IDI1: variants seen among roughly 807,000 people sequenced by gnomAD.
IDI1 encodes isopentenyl-diphosphate Delta-isomerase 1.
A neutral mutation model predicts 32.9 loss-of-function variants in IDI1; 23 were observed. The observed-to-expected ratio is 0.70, with a 90% CI of 0.50 to 0.99. The LOEUF (loss-of-function observed/expected upper bound fraction) is 0.99. Among genes scored for constraint, IDI1 ranks in the 50% least tolerant of loss-of-function variants. IDI1 has a pLI of 0.00. For synonymous variants in IDI1, 133 were observed against 128.2 expected (o/e 1.04, Z -0.25); for missense variants, 326 against 351.9 (o/e 0.93, Z 0.59).
chr10:1,039,476 GA>G lies in IDI1; in HGVS notation c.*1710del, dbSNP rs1024275895. 19 of 150,218 alleles carry G rather than the reference GA, an allele frequency of 1.3e-4. No homozygotes were observed. Among genetic ancestry groups the G allele is most frequent in the East Asian group, 1.9e-4 (1 of 5,164 alleles). The allele number at this position is 150,218 out of a possible 1,614,324, so 9.3% of individuals were successfully genotyped here. On this transcript the variant is annotated 3_prime_UTR_variant, in exon 5 of 5. Coordinates refer to ENST00000381344, the MANE Select transcript of IDI1 (RefSeq NM_004508.4). Reference sequence around the variant, plus strand: ...AGATTAAGAGTTTAAAACAGTTTAAGAAAAAAAAAATTTATAGGTACCATTT... The same window carrying G: ...AGATTAAGAGTTTAAAACAGTTTAAGAAAAAAAAATTTATAGGTACCATTT...
chr10:1,042,498 G>T, intron 4 of IDI1, 134 bp downstream of exon 4: 1 of 800,934 alleles, frequency 1.2e-6, no homozygotes, highest in East Asian at 2.7e-5. Context: ...TATTCAAGAT[G>T]GTTTGTGGGG....
chr10:1,040,935 C>T lies in IDI1; in HGVS notation c.*252G>A. 1 of 359,784 alleles carries T rather than the reference C, an allele frequency of 2.8e-6. No individual in the cohort carries two copies. The allele number at this position is 359,784 out of a possible 1,614,324, so 22.3% of individuals were successfully genotyped here. On this transcript the variant is annotated 3_prime_UTR_variant, in exon 5 of 5. Transcript: ENST00000381344. ...TTAAATTAAGTTTTATTTGCTCGCT[C>T]TCATTTTACAATAATCTCTCACAAA... is the stretch of plus-strand genomic sequence containing the variant.
upstream of IDI1, among the ~76,000 whole-genome samples, chr10:1,052,353 T>C (rs1001810412): frequency 1.3e-5 from 2 of 152,238 alleles, no homozygotes; most frequent in Non-Finnish European, 1.5e-5. Context: ...TGCTTATCCA[T>C]TCATGTTTTA....
upstream of IDI1, among the ~76,000 whole-genome samples, chr10:1,050,425 AATTTT>A (rs1372074084): frequency 6.6e-6 from 1 of 152,162 alleles, no homozygotes; most frequent in African/African-American, 2.4e-5. Flanking sequence ...TAGCAAAACC[AATTTT>A]ACCAGAGGCT....
At chr10:1,050,014 C>T (rs992175431), upstream of IDI1, among the ~76,000 whole-genome samples, 2 of 152,172 alleles carry the variant, frequency 1.3e-5, no homozygotes, top group Non-Finnish European at 2.9e-5. Context: ...GCTATTTCCT[C>T]TACCTTTTGT....
At chr10:1,044,727 C>A (rs1418593868) in intron 1 of IDI1, among the ~76,000 whole-genome samples, 1 of 152,192 alleles carries the variant, frequency 6.6e-6, no homozygotes, top group East Asian at 1.9e-4. Context: ...TTTTCTCAAC[C>A]CAAGCTCCTG....
intron 2 of IDI1, chr10:1,043,754 G>C: frequency 1.5e-6 from 1 of 667,860 alleles, no homozygotes; most frequent in Non-Finnish European, 2.8e-6. Flanking sequence ...GTCAGGGCTA[G>C]TCCCTCTTCT....
At chr10:1,055,353 G>C in the IDI1 span, among the ~76,000 whole-genome samples, 1 of 152,146 alleles carries the variant, frequency 6.6e-6, no homozygotes, top group East Asian at 1.9e-4. Flanking sequence ...CATGCTCTCA[G>C]TTATTTTCAG....
chr10:1,048,273 G>C lies in IDI1; in HGVS notation c.140+591C>G, dbSNP rs1032021631. ...TGCGTTTAAAGAATACCATGTAGTA[G>C]ACGCGGGAACACATCATCCAACCCA... is the stretch of plus-strand genomic sequence containing the variant. On this transcript the variant is annotated intron_variant, in intron 1 of 4. Transcript: ENST00000381344. 2.3e-6 allele frequency: 3 copies of C among 1,304,196 alleles called. No homozygotes were observed. In the African/African-American group the frequency reaches 4.6e-5, roughly 20 times the overall value. The allele number at this position is 1,304,196 out of a possible 1,614,324, so 80.8% of individuals were successfully genotyped here.
Position 1,048,903 on chromosome 10 carries a change from T to G in IDI1, c.101A>C (p.His34Pro), listed in dbSNP as rs752858240. 1 of 1,606,456 alleles carries G rather than the reference T, an allele frequency of 6.2e-7. No individual in the cohort carries two copies. The highest frequency in any genetic ancestry group is 1.1e-5 in the South Asian group (1 of 90,638). ...RAADCAQSGR[H>P]PGPAVVCGRR... ...GCCACAGACAACCGCCGGTCCCGGA[T>G]GGCGCCCGCTTTGAGCACAGTCTGC... The change falls in exon 1 of 5, where the codon CAT (histidine) becomes CCT (proline). Residue 34 changes from histidine (H) to proline (P), a missense_variant. Physicochemically the swap from His to Pro is moderately conservative, Grantham distance 77. Transcript: ENST00000381344.
Position 1,041,219 on chromosome 10 carries a change from A to T in IDI1, c.823T>A (p.Phe275Ile). ...WWDNLNHLNQFVDHEKIYRM is the reference protein window; with the variant it reads ...WWDNLNHLNQIVDHEKIYRM ...CTGTATATTTTCTCATGGTCAACAAACTGATTCAAATGATTTAAGTTATCC... is the reference window on the plus strand; with the variant it reads ...CTGTATATTTTCTCATGGTCAACAATCTGATTCAAATGATTTAAGTTATCC... Residue 275 changes from phenylalanine (F) to isoleucine (I), a missense_variant, in exon 5 of 5, where the codon TTT (phenylalanine) becomes ATT (isoleucine). Physicochemically the swap from Phe to Ile is conservative, Grantham distance 21. Coordinates refer to ENST00000381344, the MANE Select transcript of IDI1 (RefSeq NM_004508.4). 1 of 1,610,184 alleles carries T rather than the reference A, an allele frequency of 6.2e-7. No homozygotes were observed. The highest frequency in any genetic ancestry group is 8.5e-7 in the Non-Finnish European group (1 of 1,177,178).
In IDI1 at chr10:1,043,656, C is replaced by T. The variant is rs574270861; in HGVS notation, c.314-263G>A. The T allele has an allele frequency of 2.0e-5, 13 of 649,218 alleles. No homozygotes were observed. The East Asian group carries it at 2.5e-4, about 12-fold the overall frequency. The allele number at this position is 649,218 out of a possible 1,614,324, so 40.2% of individuals were successfully genotyped here. Reference sequence around the variant, plus strand: ...TTCCCTATCAAGGACATTCAGTTCTCGGAAAGTGGTGAAGGCACATGCTTC... The same window carrying T: ...TTCCCTATCAAGGACATTCAGTTCTTGGAAAGTGGTGAAGGCACATGCTTC... On this transcript the variant is annotated intron_variant, in intron 2 of 4. Coordinates refer to ENST00000381344, the MANE Select transcript of IDI1 (RefSeq NM_004508.4).
chr10:1,042,322 C>T (rs1489353423), intron 4 of IDI1, among the ~76,000 whole-genome samples: 4 of 152,036 alleles, frequency 2.6e-5, no homozygotes, highest in African/African-American at 9.7e-5. Context: ...ACTGGAAAAC[C>T]TGTCAGTTAA....
chr10:1,042,099 G>A (rs1039009260), intron 4 of IDI1, among the ~76,000 whole-genome samples: 13 of 152,098 alleles, frequency 8.5e-5, no homozygotes, highest in Non-Finnish European at 1.6e-4. Context: ...GAGCCACCAC[G>A]ACCGGCCCGA....
At chr10:1,048,519 T>G (rs1348677188) in intron 1 of IDI1, 1 of 1,266,308 alleles carries the variant, frequency 7.9e-7, no homozygotes, top group East Asian at 4.3e-5. Context: ...AAGGGGAGAC[T>G]CGCAACTCTT....
chr10:1,049,309 C>T (rs1369424204), upstream of IDI1: 4 of 402,906 alleles, frequency 9.9e-6, no homozygotes, highest in Non-Finnish European at 1.8e-5. Context: ...TCGAGGCTCG[C>T]GTTCCATGGA....
rs894906961 is a variant in IDI1, at chr10:1,049,028, G to A, written c.-25C>T. ...TCGCCCGGCCAATTGGCGCCCGTAC[G>A]CGCTTGACGACACAATCTCGCCAAG... On this transcript the variant is annotated 5_prime_UTR_variant, in exon 1 of 5. Coordinates refer to ENST00000381344, the MANE Select transcript of IDI1 (RefSeq NM_004508.4). The A allele has an allele frequency of 5.4e-6, 8 of 1,469,428 alleles. No individual in the cohort carries two copies. The Admixed American group carries it at 9.9e-5, about 18-fold the overall frequency. 91.0% of individuals were successfully genotyped at this position (1,469,428 alleles called of 1,614,324 possible). A position where few individuals can be genotyped will look rare whatever the true frequency, so the allele number is the denominator to read the frequency against.
chr10:1,044,989 T>G (rs1197289336), intron 1 of IDI1, among the ~76,000 whole-genome samples: 1 of 152,256 alleles, frequency 6.6e-6, no homozygotes, highest in Non-Finnish European at 1.5e-5. Flanking sequence ...CCAATATTTA[T>G]GGACACTGAA....
At chr10:1,049,293 G>A (rs527621206), upstream of IDI1, 3 of 443,976 alleles carry the variant, frequency 6.8e-6, no homozygotes, top group South Asian at 1.0e-4. Context: ...CCTAACGTCA[G>A]ACGTCTCGAG....
Sources: gnomAD v4.1 joint callset for allele counts (sites outside exome capture counted in the v4.1 genomes callset) on GRCh38, gnomAD v4.1.1 for gene constraint, MANE v1.5 for transcripts, NCBI Gene and HGNC (gene_info 2026-07-23, HGNC 2026-07-21) for gene names.